ADGRL2: variants seen among roughly 807,000 people sequenced by gnomAD.
ADGRL2 encodes calcium-independent alpha-latrotoxin receptor 2.
Under a neutral mutation model 157.4 loss-of-function variants are expected in ADGRL2, and 44 were observed. The observed-to-expected ratio is 0.28, with a 90% CI of 0.22 to 0.36. ADGRL2 has a LOEUF of 0.36. Ranked by LOEUF, ADGRL2 falls within the 10% of genes least tolerant of loss-of-function variation. The probability of loss-of-function intolerance (pLI) is 1.00; values close to 1 mark genes in which losing one functional copy is unlikely to be tolerated. For missense variants in ADGRL2, 1,510 were observed against 1,768.9 expected (o/e 0.85, Z 2.63); for synonymous variants, 585 against 624.7 (o/e 0.94, Z 0.95).
intron 1 of ADGRL2, among the ~76,000 whole-genome samples, chr1:81,341,445 T>A (rs900428995): frequency 7.8e-6 from 1 of 128,240 alleles, no homozygotes; most frequent in African/African-American, 3.2e-5. Context: ...CAGAAAACTG[T>A]GATTTTTTTT....
intron 1 of ADGRL2, among the ~76,000 whole-genome samples, chr1:81,823,693 T>TA (rs2091213855): frequency 1.3e-5 from 2 of 151,974 alleles, no homozygotes; most frequent in African/African-American, 4.8e-5. Context: ...ACCAGTCAGT[T>TA]AGACAGTCAA....
At chr1:81,889,206 T>C (rs967154530) in intron 2 of ADGRL2, among the ~76,000 whole-genome samples, 1 of 152,204 alleles carries the variant, frequency 6.6e-6, no homozygotes, top group African/African-American at 2.4e-5. Flanking sequence ...TGATTAAGCT[T>C]AGTGAGGAAG....
At chr1:81,381,199 T>C (rs1166705831) in intron 1 of ADGRL2, among the ~76,000 whole-genome samples, 1 of 152,150 alleles carries the variant, frequency 6.6e-6, no homozygotes, top group Non-Finnish European at 1.5e-5. Context: ...ATATTGTCAG[T>C]CAAATTCATG....
At chr1:81,499,869 AGT>A (rs1318285611) in intron 2 of ADGRL2, among the ~76,000 whole-genome samples, 2 of 152,200 alleles carry the variant, frequency 1.3e-5, no homozygotes, top group Non-Finnish European at 2.9e-5. Flanking sequence ...AGAGAATGAT[AGT>A]GATACATTTT....
chr1:81,961,213 A>G (rs2149218943), intron 11 of ADGRL2, among the ~76,000 whole-genome samples: 1 of 152,328 alleles, frequency 6.6e-6, no homozygotes, highest in South Asian at 2.1e-4. Context: ...TATTATTTCA[A>G]GCATACAGAA....
At chr1:81,925,792 T>C (rs991647121) in intron 3 of ADGRL2, among the ~76,000 whole-genome samples, 3 of 152,006 alleles carry the variant, frequency 2.0e-5, no homozygotes, top group African/African-American at 4.8e-5. Context: ...ATTATATTAG[T>C]TATCAATTCA....
intron 1 of ADGRL2, among the ~76,000 whole-genome samples, chr1:81,325,509 A>G (rs996929824): frequency 5.3e-5 from 8 of 152,218 alleles, no homozygotes; most frequent in African/African-American, 1.9e-4. Context: ...AGTCCCTCAC[A>G]CCTTTCTACC....
At chr1:81,881,435 CA>C (rs1185617129) in intron 2 of ADGRL2, among the ~76,000 whole-genome samples, 1 of 152,200 alleles carries the variant, frequency 6.6e-6, no homozygotes, top group East Asian at 1.9e-4. Flanking sequence ...CTCGGCATCC[CA>C]AAGTGCTGGG....
chr1:81,361,391 T>G (rs2075976356), intron 1 of ADGRL2, among the ~76,000 whole-genome samples: 1 of 151,964 alleles, frequency 6.6e-6, no homozygotes, highest in Non-Finnish European at 1.5e-5. Flanking sequence ...ATGGCACTGC[T>G]TGCTCTTATG....
intron 2 of ADGRL2, among the ~76,000 whole-genome samples, chr1:81,773,542 A>G (rs2086459374): frequency 6.6e-6 from 1 of 152,166 alleles, no homozygotes; most frequent in Non-Finnish European, 1.5e-5. Flanking sequence ...TCTTATGGTA[A>G]GGTTAGGACC....
At chr1:81,451,674 G>A (rs548950309) in intron 2 of ADGRL2, among the ~76,000 whole-genome samples, 39 of 152,180 alleles carry the variant, frequency 2.6e-4, no homozygotes, top group African/African-American at 9.1e-4. Flanking sequence ...AAGAGTCCCG[G>A]TCAAGCATTG....
rs141585595 is a variant in ADGRL2, at chr1:81,459,788, GTATA to G, written c.-248+14709_-248+14712del. Among the ~76,000 whole-genome samples, 1,082 of 148,210 alleles carry G rather than the reference GTATA, an allele frequency of 7.3e-3. 15 individuals are homozygous for G. Among genetic ancestry groups the G allele is most frequent in the African/African-American group, 0.026 (1,024 of 40,096 alleles). On this transcript the variant is annotated intron_variant, in intron 2 of 24. Transcript: ENST00000370721. The stretch of plus-strand genomic sequence containing the variant: ...CTGCTTAGTGTGTGTATGTGTGTGT[GTATA>G]TATATATATGTATGTGTTTGTATAT...
chr1:81,493,551 G>A (rs932651852), intron 2 of ADGRL2, among the ~76,000 whole-genome samples: 26 of 152,078 alleles, frequency 1.7e-4, no homozygotes, highest in African/African-American at 3.1e-4. Context: ...GTTTCTTCCC[G>A]TTGTTGGGAT....
chr1:81,413,155 AC>A (rs2076977294), intron 1 of ADGRL2, among the ~76,000 whole-genome samples: 1 of 152,024 alleles, frequency 6.6e-6, no homozygotes, highest in African/African-American at 2.4e-5. Context: ...CCCTCCACCC[AC>A]CTCAGCCGTT....
chr1:81,870,036 C>T (rs2093652049), intron 2 of ADGRL2, among the ~76,000 whole-genome samples: 1 of 137,638 alleles, frequency 7.3e-6, no homozygotes, highest in Admixed American at 7.2e-5. Flanking sequence ...CAAAATAACA[C>T]TTAAAGACTT....
At chr1:81,383,112 T>C (rs2076371387) in intron 1 of ADGRL2, among the ~76,000 whole-genome samples, 2 of 152,152 alleles carry the variant, frequency 1.3e-5, no homozygotes, top group Admixed American at 6.5e-5. Context: ...GTGTGCTCTT[T>C]CCATACGCTG....
chr1:81,389,929 C>A (rs2076503496), intron 1 of ADGRL2, among the ~76,000 whole-genome samples: 1 of 152,160 alleles, frequency 6.6e-6, no homozygotes, highest in African/African-American at 2.4e-5. Context: ...GTCTGCTAAT[C>A]TGACTTTTAA....
At chr1:81,650,126 T>C (rs1432780009) in intron 3 of ADGRL2, among the ~76,000 whole-genome samples, 1 of 151,828 alleles carries the variant, frequency 6.6e-6, no homozygotes, top group Non-Finnish European at 1.5e-5. Context: ...CTACAAAAGA[T>C]GGACTTGTAA....
chr1:81,867,956 C>T (rs2093590171), intron 2 of ADGRL2, among the ~76,000 whole-genome samples: 1 of 151,816 alleles, frequency 6.6e-6, no homozygotes, highest in Non-Finnish European at 1.5e-5. Context: ...AAAAGCTGGG[C>T]AACCCTCCCA....
Sources: allele counts gnomAD v4.1 joint callset (sites outside exome capture counted in the v4.1 genomes callset), GRCh38; gene constraint gnomAD v4.1.1; transcripts MANE v1.5; gene names NCBI Gene and HGNC (gene_info 2026-07-23, HGNC 2026-07-21).